DOCK3: variants seen among roughly 807,000 people sequenced by gnomAD.
The protein encoded by DOCK3 is dedicator of cytokinesis 3.
In DOCK3, 60 loss-of-function variants were observed where a neutral mutation model predicts 265.6. That is an observed-to-expected ratio of 0.23 (90% CI 0.18 to 0.28). The LOEUF is 0.28. Among genes scored for constraint, DOCK3 ranks in the 10% least tolerant of loss-of-function variants. The pLI is 1.00. For missense variants in DOCK3, 1,981 were observed against 2,594.3 expected (o/e 0.76, Z 5.14); for synonymous variants, 881 against 938.0 (o/e 0.94, Z 1.11).
intron 5 of DOCK3, among the ~76,000 whole-genome samples, chr3:50,990,017 TA>T (rs2078050512): frequency 6.6e-6 from 1 of 151,990 alleles, no homozygotes; most frequent in African/African-American, 2.4e-5. Context: ...CAATCACAAG[TA>T]TTAATAGCAG....
chr3:51,350,553 C>T (rs1345655613), intron 40 of DOCK3, among the ~76,000 whole-genome samples, 161 bp downstream of exon 40: 3 of 152,218 alleles, frequency 2.0e-5, no homozygotes, highest in Non-Finnish European at 2.9e-5. Context: ...ACTGGACTGG[C>T]TGCCAACTTC....
At chr3:50,861,066 C>G (rs2046886307) in intron 3 of DOCK3, among the ~76,000 whole-genome samples, 1 of 152,146 alleles carries the variant, frequency 6.6e-6, no homozygotes, top group African/African-American at 2.4e-5. Flanking sequence ...ATCTCCTGAT[C>G]CGAGGGTTGC....
chr3:51,358,003 G>T lies in DOCK3; in HGVS notation c.4810G>T (p.Val1604Leu), dbSNP rs1020704852. 6.2e-7 allele frequency: 1 copy of T among 1,614,002 alleles called. No individual in the cohort carries two copies. The highest frequency in any genetic ancestry group is 8.5e-7 in the Non-Finnish European group (1 of 1,179,896). ...GVGLAVHEKF[V>L]HPEMRPLHKK... ...TGGGCTAGCAGTTCATGAGAAGTTT[G>T]TGCACCCAGAAATGCGGCCTCTGCA... Residue 1604 changes from valine (V) to leucine (L), a missense_variant, in exon 46 of 53, where the codon GTG (valine) becomes TTG (leucine). Coordinates refer to ENST00000266037, the MANE Select transcript of DOCK3 (RefSeq NM_004947.5).
At chr3:51,277,010 A>G (rs186942653) in intron 25 of DOCK3, among the ~76,000 whole-genome samples, 1 of 152,190 alleles carries the variant, frequency 6.6e-6, no homozygotes, top group East Asian at 1.9e-4. Context: ...CTTCAAATGG[A>G]CCCTGTAACA....
chr3:51,179,189 CA>C (rs2087139009), intron 12 of DOCK3, among the ~76,000 whole-genome samples: 1 of 152,140 alleles, frequency 6.6e-6, no homozygotes. Context: ...GAAACATTTA[CA>C]AAAATTGTTC....
At chr3:50,697,993 T>C (rs575519902) in intron 1 of DOCK3, among the ~76,000 whole-genome samples, 1 of 152,328 alleles carries the variant, frequency 6.6e-6, no homozygotes, top group African/African-American at 2.4e-5. Flanking sequence ...ATTTTTCTTT[T>C]TTTATCTTTT....
chr3:51,102,283 C>T lies in DOCK3; in HGVS notation c.746+11899C>T, dbSNP rs190827610. On this transcript the variant is annotated intron_variant, in intron 9 of 52. Coordinates refer to ENST00000266037, the MANE Select transcript of DOCK3 (RefSeq NM_004947.5). ...GTAAAATATCTGCCTGGCTGTAGATCAGGATTTATTAAAGATCATCTCAAG... is the reference window on the plus strand; with the variant it reads ...GTAAAATATCTGCCTGGCTGTAGATTAGGATTTATTAAAGATCATCTCAAG... Among the ~76,000 whole-genome samples, 130 of 152,232 alleles carry T rather than the reference C, an allele frequency of 8.5e-4. 1 individual carries two copies. The highest frequency in any genetic ancestry group is 3.7e-3 in the Admixed American group (57 of 15,298).
intron 10 of DOCK3, among the ~76,000 whole-genome samples, chr3:51,155,303 C>T (rs1159494045): frequency 1.3e-5 from 2 of 152,022 alleles, no homozygotes; most frequent in South Asian, 2.1e-4. Context: ...TAAAAAGGTC[C>T]GAAACATGAT....
chr3:50,675,176 C>G lies in DOCK3; in HGVS notation c.-88C>G. The G allele has an allele frequency of 1.0e-6, 1 of 962,830 alleles. No homozygotes were observed. Among genetic ancestry groups the G allele is most frequent in the Non-Finnish European group, 1.3e-6 (1 of 791,188 alleles). 59.6% of individuals were successfully genotyped at this position (962,830 alleles called of 1,614,324 possible). On this transcript the variant is annotated 5_prime_UTR_variant, in exon 1 of 53. Coordinates refer to ENST00000266037, the MANE Select transcript of DOCK3 (RefSeq NM_004947.5). This position sits in a 1 kb window ranked among gnomAD's most constrained non-coding sequence, Gnocchi z 6.1. ...CGCCGCCTGACCGTCCCCGCCTCGA[C>G]TCGCGGTGCGCCACAGCCGGGCCCG...
At chr3:50,843,974 G>T (rs1422497016) in intron 3 of DOCK3, among the ~76,000 whole-genome samples, 2 of 152,052 alleles carry the variant, frequency 1.3e-5, no homozygotes, top group Non-Finnish European at 2.9e-5. Context: ...TCCTTTATTT[G>T]TGCTAATATT....
rs74283366 is a variant in DOCK3, at chr3:51,060,186, T to A, written c.316-4262T>A. ...AATAAAATAAGACATCTATTGCATA[T>A]AAAAAAAAAGAAACTGTTCCTGTAG... On this transcript the variant is annotated intron_variant, in intron 5 of 52. Coordinates refer to ENST00000266037, the MANE Select transcript of DOCK3 (RefSeq NM_004947.5). Among the ~76,000 whole-genome samples the A allele has an allele frequency of 6.7e-5, 10 of 150,044 alleles. No homozygotes were observed. In the East Asian group the frequency reaches 1.8e-3, roughly 26 times the overall value.
At chr3:51,136,850 C>T (rs929906630) in intron 9 of DOCK3, among the ~76,000 whole-genome samples, 3 of 152,024 alleles carry the variant, frequency 2.0e-5, no homozygotes, top group Non-Finnish European at 4.4e-5. Flanking sequence ...CCTGCATTAT[C>T]CCCCTCTCCT....
intron 5 of DOCK3, among the ~76,000 whole-genome samples, chr3:51,040,298 A>G (rs2080431355): frequency 6.6e-6 from 1 of 152,098 alleles, no homozygotes; most frequent in South Asian, 2.1e-4. Flanking sequence ...CCTCAGAGGT[A>G]CTGTAAATGT....
intron 10 of DOCK3, among the ~76,000 whole-genome samples, chr3:51,151,748 C>T (rs2085610218): frequency 6.6e-6 from 1 of 152,174 alleles, no homozygotes; most frequent in African/African-American, 2.4e-5. Flanking sequence ...TTCTCCTTCA[C>T]TTATGTAGCT....
At chr3:51,020,284 G>T (rs1380304878) in intron 5 of DOCK3, among the ~76,000 whole-genome samples, 1 of 151,220 alleles carries the variant, frequency 6.6e-6, no homozygotes, top group Non-Finnish European at 1.5e-5. Flanking sequence ...AGAAGTATCT[G>T]TTCACGTCTT....
chr3:50,709,836 T>C (rs1029980894), intron 1 of DOCK3, among the ~76,000 whole-genome samples: 2 of 151,994 alleles, frequency 1.3e-5, no homozygotes, highest in African/African-American at 4.8e-5. Context: ...CAAAAATAAA[T>C]AAACAGGTGG....
intron 4 of DOCK3, among the ~76,000 whole-genome samples, chr3:50,929,962 C>G (rs564850326): frequency 5.1e-4 from 78 of 152,216 alleles, no homozygotes; most frequent in Non-Finnish European, 1.1e-3. Flanking sequence ...CCACATCACA[C>G]TTTGGTATCC....
At chr3:51,201,784 T>G (rs1193717364) in intron 12 of DOCK3, among the ~76,000 whole-genome samples, 3 of 152,104 alleles carry the variant, frequency 2.0e-5, no homozygotes, top group Non-Finnish European at 4.4e-5. Flanking sequence ...AAAGCACTCC[T>G]CAGCAAATGT....
intron 3 of DOCK3, among the ~76,000 whole-genome samples, chr3:50,865,881 G>A (rs1468837751): frequency 6.6e-6 from 1 of 152,100 alleles, no homozygotes; most frequent in Non-Finnish European, 1.5e-5. Flanking sequence ...TGTAGTTTTG[G>A]TTTGTATTTC....
Sources: gnomAD v4.1 joint callset for allele counts (sites outside exome capture counted in the v4.1 genomes callset) on GRCh38, gnomAD v4.1.1 for gene constraint, Gnocchi (gnomAD v3.1) non-coding constraint, MANE v1.5 for transcripts, NCBI Gene and HGNC (gene_info 2026-07-23, HGNC 2026-07-21) for gene names.